SNX24: variants seen among roughly 807,000 people sequenced by gnomAD.
The protein encoded by SNX24 is sorting nexin 24, also known as sorting nexin-24.
A neutral mutation model predicts 28.7 loss-of-function variants in SNX24; 22 were observed. The ratio of observed to expected loss-of-function variants is 0.77; its 90% CI spans 0.55 to 1.10. The LOEUF is 1.10. Among genes scored for constraint, SNX24 ranks in the 50% least tolerant of loss-of-function variants. The pLI, the probability that SNX24 is intolerant of heterozygous loss-of-function variation, is 0.00. For missense variants in SNX24, 221 were observed against 201.1 expected (o/e 1.10, Z -0.60); for synonymous variants, 69 against 71.5 (o/e 0.96, Z 0.18).
intron 1 of SNX24, among the ~76,000 whole-genome samples, chr5:122,907,326 GA>G (rs779071588): frequency 2.0e-5 from 3 of 152,258 alleles, no homozygotes; most frequent in East Asian, 3.9e-4. Context: ...ATCAAGTCCA[GA>G]TAGGATGCAG....
intron 3 of SNX24, among the ~76,000 whole-genome samples, chr5:122,969,941 AC>A (rs1454766652): frequency 6.6e-6 from 1 of 152,014 alleles, no homozygotes; most frequent in African/African-American, 2.4e-5. Context: ...CCTCTCTTGT[AC>A]TATTTTGGAA....
intron 1 of SNX24, among the ~76,000 whole-genome samples, chr5:122,901,064 G>A (rs1362512375): frequency 6.6e-6 from 1 of 151,970 alleles, no homozygotes; most frequent in Non-Finnish European, 1.5e-5. Context: ...AGCTGGGTGT[G>A]GTGGTGCACG....
chr5:123,002,432 A>G (rs1762276622), intron 6 of SNX24, among the ~76,000 whole-genome samples: 1 of 152,162 alleles, frequency 6.6e-6, no homozygotes, highest in Admixed American at 6.5e-5. Context: ...GGAGATGGAA[A>G]CCATCCTGGC....
At chr5:122,878,717 A>G (rs1756342377) in intron 1 of SNX24, among the ~76,000 whole-genome samples, 1 of 152,198 alleles carries the variant, frequency 6.6e-6, no homozygotes, top group Non-Finnish European at 1.5e-5. Flanking sequence ...TACGCCTGTA[A>G]TCCCAAATGC....
At chr5:122,858,898 C>T (rs866565862) in intron 1 of SNX24, among the ~76,000 whole-genome samples, 3 of 152,100 alleles carry the variant, frequency 2.0e-5, no homozygotes, top group South Asian at 2.1e-4. Context: ...CAGGTGCCCA[C>T]CACCACGCCT....
At chr5:122,920,646 CCCAGA>C (rs1210355764) in intron 1 of SNX24, among the ~76,000 whole-genome samples, 1 of 152,112 alleles carries the variant, frequency 6.6e-6, no homozygotes, top group Non-Finnish European at 1.5e-5. Context: ...CCATCAAATC[CCCAGA>C]TGTTATAGAT....
At chr5:122,997,903 AGTATT>A (rs1762107643) in intron 3 of SNX24, among the ~76,000 whole-genome samples, 1 of 152,190 alleles carries the variant, frequency 6.6e-6, no homozygotes, top group African/African-American at 2.4e-5. Flanking sequence ...TATTCAAATA[AGTATT>A]GTATCATCCT....
At chr5:123,006,704 G>A (rs1334209592) in intron 6 of SNX24, among the ~76,000 whole-genome samples, 1 of 152,086 alleles carries the variant, frequency 6.6e-6, no homozygotes, top group Non-Finnish European at 1.5e-5. Context: ...GTTGGCTTTC[G>A]TTTAGGTCTC....
chr5:122,862,896 C>G (rs1755538930), intron 1 of SNX24, among the ~76,000 whole-genome samples: 1 of 151,760 alleles, frequency 6.6e-6, no homozygotes, highest in Non-Finnish European at 1.5e-5. Context: ...AGTCTGTATC[C>G]ATAAATTCAT....
chr5:122,900,171 T>C (rs2150078519), intron 1 of SNX24, among the ~76,000 whole-genome samples: 2 of 137,390 alleles, frequency 1.5e-5, no homozygotes, highest in East Asian at 2.3e-4. Flanking sequence ...AGGTGTGTGC[T>C]ACCACACCCA....
At chr5:123,004,080 G>T (rs1287416835) in intron 6 of SNX24, among the ~76,000 whole-genome samples, 2 of 152,156 alleles carry the variant, frequency 1.3e-5, no homozygotes, top group Non-Finnish European at 2.9e-5. Flanking sequence ...TATTATTCCA[G>T]AGGATATTGC....
chr5:122,926,000 T>G (rs1274281325), intron 1 of SNX24, among the ~76,000 whole-genome samples: 3 of 152,106 alleles, frequency 2.0e-5, no homozygotes, highest in Non-Finnish European at 4.4e-5. Context: ...TGTGTGTATG[T>G]GAGTGTGTAT....
intron 3 of SNX24, among the ~76,000 whole-genome samples, chr5:122,987,409 G>A (rs1973173): frequency 0.36 from 55,075 of 152,074 alleles, 10,712 homozygotes; most frequent in African/African-American, 0.48. Flanking sequence ...ATTCTGATTA[G>A]TTTGAGAACT....
At position 122,900,284 on chromosome 5, in the gene SNX24, G is replaced by A. The variant is rs139413575; in HGVS notation, c.61-36450G>A. ...TGTGAAATGATTACCACAATCAAGC[G>A]AATTAACATATCTATCACCTCACAT... On this transcript the variant is annotated intron_variant, in intron 1 of 6. Coordinates refer to ENST00000261369, the MANE Select transcript of SNX24 (RefSeq NM_014035.4). 2.7e-3 allele frequency among the ~76,000 whole-genome samples: 405 copies of A among 152,112 alleles called. 1 individual carries two copies. Among genetic ancestry groups the A allele is most frequent in the African/African-American group, 9.4e-3 (392 of 41,486 alleles).
intron 5 of SNX24, chr5:123,023,447 G>A (rs1166670643): frequency 1.3e-5 from 2 of 152,960 alleles, no homozygotes; most frequent in African/African-American, 4.8e-5. Flanking sequence ...AAATCCCTAT[G>A]ACATATCTCA....
chr5:122,861,119 C>A (rs1755440444), intron 1 of SNX24, among the ~76,000 whole-genome samples: 1 of 151,934 alleles, frequency 6.6e-6, no homozygotes. Flanking sequence ...ATGGGTAGAT[C>A]ACTTGAGGTC....
chr5:122,884,456 A>G (rs938315153), intron 1 of SNX24, among the ~76,000 whole-genome samples: 1 of 151,892 alleles, frequency 6.6e-6, no homozygotes, highest in African/African-American at 2.4e-5. Context: ...CATGCTGGCC[A>G]GGCTGGAGGC....
At chr5:122,890,925 A>G in intron 1 of SNX24, 2 of 1,147,682 alleles carry the variant, frequency 1.7e-6, no homozygotes, top group South Asian at 4.2e-5. Flanking sequence ...TAAAATTTTT[A>G]TCCCTTCAAG....
chr5:123,016,583 C>T (rs2150185898), intron 5 of SNX24, among the ~76,000 whole-genome samples: 1 of 152,226 alleles, frequency 6.6e-6, no homozygotes, highest in South Asian at 2.1e-4. Flanking sequence ...GGATTTGAAG[C>T]AGAGAGACTT....
Sources: allele counts gnomAD v4.1 joint callset (sites outside exome capture counted in the v4.1 genomes callset), GRCh38; gene constraint gnomAD v4.1.1; transcripts MANE v1.5; gene names NCBI Gene and HGNC (gene_info 2026-07-23, HGNC 2026-07-21).